The following PCDHGB1 variants were observed in gnomAD, a reference collection of about 807,000 sequenced individuals.
PCDHGB1 encodes protocadherin gamma subfamily B, 1.
Under a neutral mutation model 56.6 loss-of-function variants are expected in PCDHGB1, and 34 were observed. The observed-to-expected ratio is 0.60, with a 90% CI of 0.46 to 0.80. The LOEUF (loss-of-function observed/expected upper bound fraction) is 0.80, where lower values mean the gene tolerates loss of function less well. Among genes scored for constraint, PCDHGB1 ranks in the 30% least tolerant of loss-of-function variants. PCDHGB1 has a pLI of 0.00. For synonymous variants in PCDHGB1, 561 were observed against 505.9 expected (o/e 1.11, Z -1.46); for missense variants, 1,278 against 1,204.6 (o/e 1.06, Z -0.90).
At chr5:141,415,342 T>C (rs1305683222) in intron 1 of PCDHGB1, 2 of 1,614,108 alleles carry the variant, frequency 1.2e-6, no homozygotes, top group African/African-American at 2.7e-5. Context: ...GCTGCGGCGC[T>C]GGCACAAGTC....
At chr5:141,440,912 G>T (rs1281398967) in intron 1 of PCDHGB1, 1 of 152,254 alleles carries the variant, frequency 6.6e-6, no homozygotes, top group Admixed American at 6.5e-5. Context: ...GGGCACTCCT[G>T]TGCTGAGAGT....
Position 141,505,566 on chromosome 5 carries a change from A to G in PCDHGB1, c.2557+85A>G, listed in dbSNP as rs1363426407. 1.4e-5 allele frequency: 22 copies of G among 1,599,886 alleles called. No individual in the cohort carries two copies. In the East Asian group the frequency reaches 4.7e-4, roughly 34 times the overall value. ...CACAGCCACCATGCCCACGGACTGGATGTCAAACCTGTGTAGTTTCTCCAG... is the reference window on the plus strand; with the variant it reads ...CACAGCCACCATGCCCACGGACTGGGTGTCAAACCTGTGTAGTTTCTCCAG... On this transcript the variant is annotated intron_variant, in intron 3 of 3. Coordinates refer to ENST00000523390, the MANE Select transcript of PCDHGB1 (RefSeq NM_018922.3).
intron 1 of PCDHGB1, among the ~76,000 whole-genome samples, chr5:141,446,758 C>A (rs776925316): frequency 6.6e-6 from 1 of 152,326 alleles, no homozygotes; most frequent in Non-Finnish European, 1.5e-5. Flanking sequence ...TGAGCCACCG[C>A]GCCCAGCCGG....
rs766593056 is a variant in PCDHGB1, at chr5:141,372,812, G to T, written c.2409+20143G>T. On this transcript the variant is annotated intron_variant, in intron 1 of 3. Coordinates refer to ENST00000523390, the MANE Select transcript of PCDHGB1 (RefSeq NM_018922.3). ...CTAATTCAGGCAATTTGCAAAAGGT[G>T]AGTTTCTTCAAACCTTTCCTTCCAT... 67 of 1,584,432 alleles carry T rather than the reference G, an allele frequency of 4.2e-5. No homozygotes were observed. In the Middle Eastern group the frequency reaches 6.7e-4, roughly 16 times the overall value.
chr5:141,410,224 C>T, intron 1 of PCDHGB1: 2 of 1,614,028 alleles, frequency 1.2e-6, no homozygotes, highest in Non-Finnish European at 8.5e-7. Context: ...TACTGCCAGA[C>T]CTCAGCGACC....
Position 141,487,870 on chromosome 5 carries a change from C to A in PCDHGB1, c.2410-6937C>A. On this transcript the variant is annotated intron_variant, in intron 1 of 3. Transcript: ENST00000523390. This position sits in a 1 kb window ranked among gnomAD's most constrained non-coding sequence, Gnocchi z 5.0. ...AATGAAAGTAATTGGTGATCAAGAGCCAGGCTGTTGTGGAAGCATGATGAT... is the reference window on the plus strand; with the variant it reads ...AATGAAAGTAATTGGTGATCAAGAGACAGGCTGTTGTGGAAGCATGATGAT... 3.5e-6 allele frequency: 3 copies of A among 865,052 alleles called. No individual in the cohort carries two copies. The highest frequency in any genetic ancestry group is 5.3e-6 in the Non-Finnish European group (3 of 568,628). The allele number at this position is 865,052 out of a possible 1,614,324, so 53.6% of individuals were successfully genotyped here.
chr5:141,419,013 G>A, intron 1 of PCDHGB1: 2 of 1,613,958 alleles, frequency 1.2e-6, no homozygotes, highest in South Asian at 2.2e-5. Flanking sequence ...GTCAGGTGTA[G>A]CTTAAGTAGA....
At chr5:141,439,077 C>T (rs978045948) in intron 1 of PCDHGB1, among the ~76,000 whole-genome samples, 1 of 151,492 alleles carries the variant, frequency 6.6e-6, no homozygotes, top group Non-Finnish European at 1.5e-5. Flanking sequence ...CCTGTAATCC[C>T]AGCTACTCAG....
At position 141,489,090 on chromosome 5, in the gene PCDHGB1, C is replaced by A; in HGVS notation, c.2410-5717C>A. On this transcript the variant is annotated intron_variant, in intron 1 of 3. Transcript: ENST00000523390. The surrounding 1 kb of genome is among the most constrained non-coding windows in gnomAD (Gnocchi z 4.5). Reference sequence around the variant, plus strand: ...CCTGCCCACCCCCGCCACTCGGTGACTAAGAACTGCTGCAAGCAGGCAAAC... The same window carrying A: ...CCTGCCCACCCCCGCCACTCGGTGAATAAGAACTGCTGCAAGCAGGCAAAC... The A allele has an allele frequency of 1.5e-5, 5 of 328,802 alleles. No individual in the cohort carries two copies. The highest frequency in any genetic ancestry group is 4.8e-5 in the East Asian group (1 of 20,928). 20.4% of individuals were successfully genotyped at this position (328,802 alleles called of 1,614,324 possible).
intron 1 of PCDHGB1, chr5:141,362,374 A>T (rs1561526644): frequency 6.2e-7 from 1 of 1,614,036 alleles, no homozygotes; most frequent in Admixed American, 1.7e-5. Flanking sequence ...CAGTGAGGGT[A>T]CATTGCCCTA....
chr5:141,397,407 G>C (rs1383716790), intron 1 of PCDHGB1, among the ~76,000 whole-genome samples: 1 of 152,108 alleles, frequency 6.6e-6, no homozygotes. Context: ...TTACAAAATA[G>C]TTTTAAATAG....
intron 1 of PCDHGB1, chr5:141,361,955 A>G (rs1762251619): frequency 6.2e-6 from 10 of 1,602,992 alleles, no homozygotes; most frequent in Non-Finnish European, 6.8e-6. Flanking sequence ...CTGTCCTACC[A>G]CGTGCTGCAG....
chr5:141,410,560 A>G (rs769354927), intron 1 of PCDHGB1: 3 of 1,612,824 alleles, frequency 1.9e-6, no homozygotes, highest in African/African-American at 1.3e-5. Flanking sequence ...TTTCTCCTGG[A>G]GCCTTAATTC....
At position 141,352,128 on chromosome 5, in the gene PCDHGB1, G is replaced by T. The variant is rs369451031; in HGVS notation, c.1868G>T (p.Arg623Leu). The T allele has an allele frequency of 5.0e-6, 8 of 1,610,058 alleles. No homozygotes were observed. The African/African-American group carries it at 1.1e-4, about 21-fold the overall frequency. The change falls in exon 1 of 4, where the codon CGC (arginine) becomes CTC (leucine). Residue 623 changes from arginine (R) to leucine (L), a missense_variant. Coordinates refer to ENST00000523390, the MANE Select transcript of PCDHGB1 (RefSeq NM_018922.3). ...CTGGGGTTGCGCACGGGTGAGGTGC[G>T]CACAGCGCGTGCCTTGGGCGACAGG... Reference protein sequence around the residue: ...FSLGLRTGEVRTARALGDRDA... With the variant: ...FSLGLRTGEVLTARALGDRDA...
intron 1 of PCDHGB1, chr5:141,361,654 G>A (rs779307225): frequency 1.2e-6 from 2 of 1,613,664 alleles, no homozygotes; most frequent in African/African-American, 1.3e-5. Context: ...CTACGTGTCC[G>A]TGAGCGCGCA....
Position 141,427,970 on chromosome 5 carries a change from C to A in PCDHGB1, c.2410-66837C>A, listed in dbSNP as rs760792774. On this transcript the variant is annotated intron_variant, in intron 1 of 3. Coordinates refer to ENST00000523390, the MANE Select transcript of PCDHGB1 (RefSeq NM_018922.3). ...ATGACAATGTGCCGCGGGTGCTGTA[C>A]CCCGCGCTGGGGCCCGATGGCTCCG... 1.9e-6 allele frequency: 3 copies of A among 1,592,510 alleles called. No individual in the cohort carries two copies. The Admixed American group carries it at 5.0e-5, about 27-fold the overall frequency.
At chr5:141,386,520 G>A (rs976508801) in intron 1 of PCDHGB1, among the ~76,000 whole-genome samples, 1 of 144 alleles carries the variant, frequency 6.9e-3, no homozygotes, top group South Asian at 0.5. Context: ...TTCAAAAAAA[G>A]ACTCTTTTTA....
intron 1 of PCDHGB1, chr5:141,372,410 A>C: frequency 6.2e-7 from 1 of 1,613,980 alleles, no homozygotes; most frequent in South Asian, 1.1e-5. Context: ...AAGAGATACA[A>C]CCTGACCTTA....
In PCDHGB1 at chr5:141,431,889, A is replaced by G; in HGVS notation, c.2410-62918A>G. 1 of 1,614,170 alleles carries G rather than the reference A, an allele frequency of 6.2e-7. No homozygotes were observed. The highest frequency in any genetic ancestry group is 2.2e-5 in the East Asian group (1 of 44,888). On this transcript the variant is annotated intron_variant, in intron 1 of 3. Transcript: ENST00000523390. The surrounding 1 kb of genome is among the most constrained non-coding windows in gnomAD (Gnocchi z 4.8). The stretch of plus-strand genomic sequence containing the variant: ...TTAAATGTAAATGACCAAGATTCTG[A>G]GGAAAACGGACAGGTGATCTGTTTC...
Sources: gnomAD v4.1 joint callset for allele counts (sites outside exome capture counted in the v4.1 genomes callset) on GRCh38, gnomAD v4.1.1 for gene constraint, Gnocchi (gnomAD v3.1) non-coding constraint, MANE v1.5 for transcripts, NCBI Gene and HGNC (gene_info 2026-07-23, HGNC 2026-07-21) for gene names.